The following DSCAM variants were observed in gnomAD, a reference collection of about 807,000 sequenced individuals.
The protein encoded by DSCAM is DS cell adhesion molecule, also known as cell adhesion molecule DSCAM.
Under a neutral mutation model 217.7 loss-of-function variants are expected in DSCAM, and 47 were observed. That is an observed-to-expected ratio of 0.22 (90% CI 0.17 to 0.28). DSCAM has a LOEUF of 0.28. Ranked by LOEUF, DSCAM falls within the 10% of genes least tolerant of loss-of-function variation. The pLI is 1.00. For missense variants in DSCAM, 2,080 were observed against 2,618.3 expected (o/e 0.79, Z 4.49); for synonymous variants, 1,056 against 1,015.3 (o/e 1.04, Z -0.76).
At chr21:40,029,821 A>G (rs548653465) in intron 32 of DSCAM, among the ~76,000 whole-genome samples, 5 of 152,146 alleles carry the variant, frequency 3.3e-5, no homozygotes, top group African/African-American at 4.8e-5. Context: ...TCACTTACCT[A>G]TATCTCCCTC....
intron 3 of DSCAM, among the ~76,000 whole-genome samples, chr21:40,654,056 T>C (rs1288871971): frequency 2.0e-5 from 3 of 150,974 alleles, no homozygotes; most frequent in African/African-American, 4.9e-5. Flanking sequence ...GACCACACTA[T>C]TGCACTCCAG....
chr21:40,504,932 C>T (rs1017887668), intron 3 of DSCAM, among the ~76,000 whole-genome samples: 1 of 151,990 alleles, frequency 6.6e-6, no homozygotes, highest in Non-Finnish European at 1.5e-5. Flanking sequence ...ACTGTCATAC[C>T]AGCTCTCATG....
At chr21:40,585,419 CAAAAAA>C (rs71186946) in intron 3 of DSCAM, among the ~76,000 whole-genome samples, 9 of 87,016 alleles carry the variant, frequency 1.0e-4, no homozygotes, top group East Asian at 6.1e-4. Flanking sequence ...GACTCCGTCT[CAAAAAA>C]AAAAAAAAAA....
intron 30 of DSCAM, among the ~76,000 whole-genome samples, chr21:40,047,636 T>C (rs2088863664): frequency 6.6e-6 from 1 of 152,246 alleles, no homozygotes; most frequent in South Asian, 2.1e-4. Flanking sequence ...GGTATTAATC[T>C]GCTTTCATCT....
chr21:40,518,652 A>G (rs867798998), intron 3 of DSCAM, among the ~76,000 whole-genome samples: 3 of 135,734 alleles, frequency 2.2e-5, no homozygotes, highest in East Asian at 2.2e-4. Flanking sequence ...ACATGTATAT[A>G]TGTGTATATA....
At chr21:40,148,776 T>A (rs62237641) in intron 16 of DSCAM, among the ~76,000 whole-genome samples, 1 of 151,892 alleles carries the variant, frequency 6.6e-6, no homozygotes, top group Non-Finnish European at 1.5e-5. Context: ...TCAAAAATAC[T>A]GTGAACACCA....
rs545172220 is a variant in DSCAM at position 40,051,959 on chromosome 21, C to G, written c.5184G>C (p.Thr1728=). ...TTTTAAGCATTGTTGACCACTCACTCGTTCCCGGCCGAGCGTCTGAAACAT... is the reference window on the plus strand; with the variant it reads ...TTTTAAGCATTGTTGACCACTCACTGGTTCCCGGCCGAGCGTCTGAAACAT... ...LVDVSDARPG[T]NPTTRRNAKA... Residue 1728 remains threonine (T), a splice_region_variant and synonymous_variant, in exon 30 of 33, where the codon ACG becomes ACC. Transcript: ENST00000400454. 1.2e-6 allele frequency: 2 copies of G among 1,611,452 alleles called. No individual in the cohort carries two copies. Among genetic ancestry groups the G allele is most frequent in the Non-Finnish European group, 1.7e-6 (2 of 1,178,988 alleles).
chr21:40,401,956 A>C (rs2075237749), intron 3 of DSCAM, among the ~76,000 whole-genome samples: 1 of 151,240 alleles, frequency 6.6e-6, no homozygotes, highest in South Asian at 2.1e-4. Context: ...CAATAATCAA[A>C]TGTTTCCCCC....
At chr21:40,345,376 C>T (rs1191669996) in intron 6 of DSCAM, among the ~76,000 whole-genome samples, 1 of 152,062 alleles carries the variant, frequency 6.6e-6, no homozygotes, top group East Asian at 1.9e-4. Context: ...AGAGGACACT[C>T]CCCAACTTGA....
intron 3 of DSCAM, among the ~76,000 whole-genome samples, chr21:40,464,734 C>T (rs1391768824): frequency 6.6e-6 from 1 of 151,310 alleles, no homozygotes; most frequent in Non-Finnish European, 1.5e-5. Flanking sequence ...TCATTCTCCC[C>T]AGAACCATCT....
chr21:40,038,156 A>C (rs1335803030), intron 32 of DSCAM, among the ~76,000 whole-genome samples: 1 of 150,984 alleles, frequency 6.6e-6, no homozygotes, highest in Non-Finnish European at 1.5e-5. Flanking sequence ...CAAAAGCCAA[A>C]ATTGACAAAT....
chr21:40,619,294 A>G (rs1033350843), intron 3 of DSCAM, among the ~76,000 whole-genome samples: 4 of 152,180 alleles, frequency 2.6e-5, no homozygotes, highest in African/African-American at 9.6e-5. Context: ...AAATATACAC[A>G]TTTAATAATA....
intron 15 of DSCAM, among the ~76,000 whole-genome samples, chr21:40,170,611 C>T (rs759253778): frequency 2.0e-5 from 3 of 152,190 alleles, no homozygotes; most frequent in Non-Finnish European, 4.4e-5. Flanking sequence ...TGGGGTCAAG[C>T]TCTTAGGCAG....
At chr21:40,036,579 C>A (rs2088628387) in intron 32 of DSCAM, among the ~76,000 whole-genome samples, 2 of 148,166 alleles carry the variant, frequency 1.3e-5, no homozygotes, top group East Asian at 1.9e-4. Flanking sequence ...CCGAATTCTA[C>A]CAGAGGTACA....
chr21:40,425,200 A>G (rs2075460569), intron 3 of DSCAM, among the ~76,000 whole-genome samples: 1 of 152,082 alleles, frequency 6.6e-6, no homozygotes, highest in South Asian at 2.1e-4. Context: ...GAATGCTGGG[A>G]TCAAAAAAGA....
intron 16 of DSCAM, among the ~76,000 whole-genome samples, chr21:40,164,567 G>C (rs146731524): frequency 0.014 from 2,155 of 152,246 alleles, 30 homozygotes; most frequent in African/African-American, 0.043. Context: ...GGAGGCCAAG[G>C]TGGGTGGATC....
At chr21:40,231,760 C>G (rs971844350) in intron 11 of DSCAM, among the ~76,000 whole-genome samples, 8 of 152,130 alleles carry the variant, frequency 5.3e-5, no homozygotes, top group African/African-American at 1.9e-4. Flanking sequence ...GTCTTGGCCT[C>G]CCAAAGTGCT....
At chr21:40,347,631 G>A in intron 6 of DSCAM, 39 bp downstream of exon 6, 1 of 1,610,494 alleles carries the variant, frequency 6.2e-7, no homozygotes, top group Non-Finnish European at 8.5e-7. Flanking sequence ...CTGGGTTTGG[G>A]TTCTTTTTCA....
At chr21:40,822,040 C>T (rs553799290) in intron 1 of DSCAM, among the ~76,000 whole-genome samples, 21 of 151,198 alleles carry the variant, frequency 1.4e-4, no homozygotes, top group East Asian at 1.4e-3. Context: ...AAAAAAAGAC[C>T]GGGCACAGTG....
Sources: allele counts gnomAD v4.1 joint callset (sites outside exome capture counted in the v4.1 genomes callset), GRCh38; gene constraint gnomAD v4.1.1; transcripts MANE v1.5; gene names NCBI Gene and HGNC (gene_info 2026-07-23, HGNC 2026-07-21).